Variants in BIRC2 observed in about 807,000 individuals in gnomAD.
The protein encoded by BIRC2 is baculoviral IAP repeat-containing protein 2.
BIRC2 carries 18 observed loss-of-function variants against 60.9 expected under a neutral mutation model. The observed-to-expected ratio is 0.30, with a 90% CI of 0.20 to 0.44. The LOEUF (loss-of-function observed/expected upper bound fraction) is 0.44, where lower values mean the gene tolerates loss of function less well. Ranked by LOEUF, BIRC2 falls within the 20% of genes least tolerant of loss-of-function variation. The pLI is 1.00. For synonymous variants in BIRC2, 282 were observed against 247.7 expected, an observed-to-expected ratio of 1.14 and a Z score of -1.30; for missense variants, 701 against 728.5, an observed-to-expected ratio of 0.96 and a Z score of 0.43.
chr11:102,377,789 A>C, intron 7 of BIRC2, 39 bp downstream of exon 7: 1 of 1,596,060 alleles, frequency 6.3e-7, no homozygotes, highest in South Asian at 1.2e-5. Flanking sequence ...AATTCTTAGG[A>C]CTGGCCAGAT....
At position 102,349,278 on chromosome 11, in the gene BIRC2, A is replaced by C. The variant is rs1951325384; in HGVS notation, c.-577A>C. On this transcript the variant is annotated 5_prime_UTR_variant, in exon 2 of 9. Transcript: ENST00000227758. ...AATACTATGATGATAAGCTGTGTGA[A>C]CTTAGCTTTTAAATAGTGTGACCAT... The C allele has an allele frequency of 6.6e-6, 1 of 152,136 alleles. No homozygotes were observed. Among genetic ancestry groups the C allele is most frequent in the Admixed American group, 6.5e-5 (1 of 15,290 alleles). 9.4% of individuals were successfully genotyped at this position (152,136 alleles called of 1,614,324 possible).
At chr11:102,356,209 T>A (rs1471814054) in intron 3 of BIRC2, among the ~76,000 whole-genome samples, 1 of 151,574 alleles carries the variant, frequency 6.6e-6, no homozygotes, top group Non-Finnish European at 1.5e-5. Flanking sequence ...TTTTTTTTTT[T>A]TTTTGAGATG....
At chr11:102,368,163 G>A in intron 5 of BIRC2, 143 bp from the exon 6 acceptor site, 3 of 928,876 alleles carry the variant, frequency 3.2e-6, no homozygotes, top group African/African-American at 1.7e-5. Flanking sequence ...AACTTTTATT[G>A]GAGTTATAGG....
At chr11:102,352,034 C>G (rs1452327150) in intron 3 of BIRC2, among the ~76,000 whole-genome samples, 2 of 152,100 alleles carry the variant, frequency 1.3e-5, no homozygotes, top group Non-Finnish European at 2.9e-5. Flanking sequence ...CTGAAACTGT[C>G]TACCCATCAA....
chr11:102,370,036 T>C (rs902787640), intron 6 of BIRC2, among the ~76,000 whole-genome samples: 3 of 152,216 alleles, frequency 2.0e-5, no homozygotes, highest in Non-Finnish European at 4.4e-5. Context: ...TGTAAATTTG[T>C]TTGAGTTCAT....
chr11:102,361,745 C>A (rs1951487625), intron 3 of BIRC2, among the ~76,000 whole-genome samples: 1 of 152,070 alleles, frequency 6.6e-6, no homozygotes, highest in African/African-American at 2.4e-5. Flanking sequence ...CACCACATGA[C>A]TGATACAGGT....
At chr11:102,369,905 C>G (rs1188302541) in intron 6 of BIRC2, among the ~76,000 whole-genome samples, 4 of 149,098 alleles carry the variant, frequency 2.7e-5, no homozygotes, top group Non-Finnish European at 4.5e-5. Flanking sequence ...TTGCATTTCT[C>G]TGATGGCCAG....
intron 3 of BIRC2, among the ~76,000 whole-genome samples, chr11:102,354,329 C>T (rs1018221073): frequency 1.3e-5 from 2 of 152,190 alleles, no homozygotes; most frequent in Non-Finnish European, 1.5e-5. Flanking sequence ...CCTGCCTCAG[C>T]CTCTTGAGTA....
intron 3 of BIRC2, among the ~76,000 whole-genome samples, chr11:102,360,754 C>T (rs1951476460): frequency 7.0e-6 from 1 of 142,584 alleles, no homozygotes; most frequent in Non-Finnish European, 1.5e-5. Context: ...CGAATTACTT[C>T]TAGACATTAC....
At position 102,349,730 on chromosome 11, in the gene BIRC2, A is replaced by C; in HGVS notation, c.-125A>C. ...GAATATAAACTGAGATAAATCCAGT[A>C]AAGAAAGTGTAGTAAATTCTACATA... is the stretch of plus-strand genomic sequence containing the variant. On this transcript the variant is annotated 5_prime_UTR_variant, in exon 2 of 9. Transcript: ENST00000227758. The C allele has an allele frequency of 1.0e-6, 1 of 1,003,712 alleles. No individual in the cohort carries two copies. The highest frequency in any genetic ancestry group is 1.4e-6 in the Non-Finnish European group (1 of 690,610). 62.2% of individuals were successfully genotyped at this position (1,003,712 alleles called of 1,614,324 possible). A position where few individuals can be genotyped will look rare whatever the true frequency, so the allele number is the denominator to read the frequency against.
chr11:102,353,377 T>C (rs1263819110), intron 3 of BIRC2, among the ~76,000 whole-genome samples: 1 of 152,242 alleles, frequency 6.6e-6, no homozygotes, highest in African/African-American at 2.4e-5. Flanking sequence ...CTATCACTGC[T>C]GGAGTGCAGT....
intron 6 of BIRC2, among the ~76,000 whole-genome samples, chr11:102,369,839 T>G (rs1951606217): frequency 6.9e-6 from 1 of 144,460 alleles, no homozygotes; most frequent in Non-Finnish European, 1.5e-5. Flanking sequence ...GTTTCCTGAC[T>G]TTTTAATGAT....
At chr11:102,362,398 T>C (rs1487068589) in intron 3 of BIRC2, among the ~76,000 whole-genome samples, 1 of 152,218 alleles carries the variant, frequency 6.6e-6, no homozygotes, top group Non-Finnish European at 1.5e-5. Context: ...TGAGAAACAC[T>C]GTCATATTAT....
intron 3 of BIRC2, among the ~76,000 whole-genome samples, chr11:102,358,821 A>T (rs902444979): frequency 1.3e-5 from 2 of 152,172 alleles, no homozygotes; most frequent in Non-Finnish European, 2.9e-5. Context: ...TTTGCATGGA[A>T]TATCTTTTTT....
intron 3 of BIRC2, among the ~76,000 whole-genome samples, chr11:102,361,579 T>A (rs939456634): frequency 6.6e-6 from 1 of 152,136 alleles, no homozygotes; most frequent in Non-Finnish European, 1.5e-5. Context: ...CTCTGCAAAG[T>A]AGGCTACTGG....
chr11:102,350,985 CT>C, intron 3 of BIRC2, 42 bp downstream of exon 3: 1 of 1,585,442 alleles, frequency 6.3e-7, no homozygotes, highest in Non-Finnish European at 8.6e-7. Flanking sequence ...AAACTCTGTG[CT>C]TAAAAGAAGT....
chr11:102,367,075 A>T (rs993138711), intron 5 of BIRC2, among the ~76,000 whole-genome samples: 1 of 152,186 alleles, frequency 6.6e-6, no homozygotes, highest in Non-Finnish European at 1.5e-5. Flanking sequence ...CATGTAATAG[A>T]TGTATACATT....
At chr11:102,366,637 G>A (rs1289236564) in intron 5 of BIRC2, among the ~76,000 whole-genome samples, 1 of 152,014 alleles carries the variant, frequency 6.6e-6, no homozygotes, top group African/African-American at 2.4e-5. Flanking sequence ...CCAAAGTGCT[G>A]GGATTACAGG....
intron 6 of BIRC2, among the ~76,000 whole-genome samples, chr11:102,368,936 A>C (rs1032339514): frequency 6.6e-6 from 1 of 151,750 alleles, no homozygotes; most frequent in African/African-American, 2.4e-5. Context: ...TCTGCAAATC[A>C]TATTTTTAAT....
Sources: gnomAD v4.1 joint callset for allele counts (sites outside exome capture counted in the v4.1 genomes callset) on GRCh38, gnomAD v4.1.1 for gene constraint, MANE v1.5 for transcripts, NCBI Gene and HGNC (gene_info 2026-07-23, HGNC 2026-07-21) for gene names.